Variants in APOB observed in about 807,000 individuals in gnomAD.
APOB encodes the protein apolipoprotein B.
Under a neutral mutation model 314.1 loss-of-function variants are expected in APOB, and 153 were observed. The observed-to-expected ratio is 0.49, with a 90% CI of 0.43 to 0.56. The LOEUF is 0.56. Ranked by LOEUF, APOB falls within the 20% of genes least tolerant of loss-of-function variation. The probability of loss-of-function intolerance (pLI) is 0.00; values close to 1 mark genes in which losing one functional copy is unlikely to be tolerated. For synonymous variants in APOB, 2,087 were observed against 2,036.4 expected (o/e 1.02, Z -0.67); for missense variants, 5,430 against 5,350.7 (o/e 1.01, Z -0.46).
In APOB at chr2:21,019,771, G is replaced by A; in HGVS notation, c.2951C>T (p.Ala984Val). The change falls in exon 19 of 29, where the codon GCC becomes GTC. Residue 984 changes from alanine to valine, a missense_variant. Ala to Val is a moderately conservative substitution (Grantham distance 64). Transcript: ENST00000233242. ...GTAGGAGGCGGAGTCTGTGGAGCTG[G>A]CGTTGGAGTAAGCGCCTGAGGTGCA... ...NYCTSGAYSN[A>V]SSTDSASYYP... The A allele has an allele frequency of 1.2e-6, 2 of 1,614,192 alleles. No homozygotes were observed. The highest frequency in any genetic ancestry group is 1.1e-5 in the South Asian group (1 of 91,078).
At chr2:21,043,445 A>G (rs1664181849) in intron 2 of APOB, 68 bp downstream of exon 2, 5 of 1,540,922 alleles carry the variant, frequency 3.2e-6, no homozygotes, top group Non-Finnish European at 3.5e-6. Flanking sequence ...GGAGGCCCTC[A>G]GGGACCCGGG....
Position 21,005,460 on chromosome 2 carries a change from G to T in APOB, c.11408C>A (p.Pro3803Gln). Residue 3803 changes from proline (P) to glutamine (Q), a missense_variant, in exon 26 of 29, where the codon CCA becomes CAA. By Grantham distance (76) the Pro-to-Gln change is moderately conservative (BLOSUM62 -1). Transcript: ENST00000233242. ...AAAAAAGGGAATCAAGGAGTCTTCT[G>T]GTTGAGAATATTTTGTTAACACATC... ...EVDVLTKYSQ[P>Q]EDSLIPFFEI... is the part of the protein sequence containing the mutation. 2 of 1,614,050 alleles carry T rather than the reference G, an allele frequency of 1.2e-6. No homozygotes were observed. Among genetic ancestry groups the T allele is most frequent in the Non-Finnish European group, 1.7e-6 (2 of 1,179,958 alleles).
In APOB at chr2:21,012,152, A is replaced by G. The variant is rs749485639; in HGVS notation, c.4716T>C (p.Ser1572=). The change falls in exon 26 of 29, where the codon TCT becomes TCC. Residue 1572 remains serine, a synonymous_variant. Transcript: ENST00000233242. ...KYENYELTLK[S]DTNGKYKNFA... is the part of the protein sequence containing the mutation. ...AGTTCTTATACTTCCCATTGGTGTCAGATTTTAAAGTCAGCTCGTAGTTCT... is the reference window on the plus strand; with the variant it reads ...AGTTCTTATACTTCCCATTGGTGTCGGATTTTAAAGTCAGCTCGTAGTTCT... The G allele has an allele frequency of 3.1e-6, 5 of 1,600,990 alleles. No individual in the cohort carries two copies. Among genetic ancestry groups the G allele is most frequent in the Non-Finnish European group, 4.3e-6 (5 of 1,172,948 alleles).
Position 21,005,924 on chromosome 2 carries a change from G to T in APOB, c.10944C>A (p.Val3648=), listed in dbSNP as rs370314131. Residue 3648 remains valine, a synonymous_variant, in exon 26 of 29, where the codon GTC becomes GTA. Coordinates refer to ENST00000233242, the MANE Select transcript of APOB (RefSeq NM_000384.3). ...CCTTTTCTTGGTCATTGGAAAGCTCGACCTGGCTCTGGAAAGACCCAGAAT... is the reference window on the plus strand; with the variant it reads ...CCTTTTCTTGGTCATTGGAAAGCTCTACCTGGCTCTGGAAAGACCCAGAAT... The part of the protein sequence containing the change: ...RIHSGSFQSQ[V]ELSNDQEKAH... The T allele has an allele frequency of 6.2e-7, 1 of 1,613,808 alleles. No homozygotes were observed. Among genetic ancestry groups the T allele is most frequent in the Non-Finnish European group, 8.5e-7 (1 of 1,179,922 alleles).
chr2:21,026,033 G>T (rs1663724165), intron 15 of APOB, among the ~76,000 whole-genome samples: 1 of 152,196 alleles, frequency 6.6e-6, no homozygotes, highest in African/African-American at 2.4e-5. Flanking sequence ...ACTCGTAATA[G>T]TGTCTGCTTA....
intron 12 of APOB, among the ~76,000 whole-genome samples, chr2:21,028,995 G>A (rs995248664): frequency 2.6e-5 from 4 of 152,192 alleles, no homozygotes; most frequent in Non-Finnish European, 5.9e-5. Flanking sequence ...AATTAAGCAT[G>A]TTTTTCCATG....
Position 21,022,894 on chromosome 2 carries a change from T to C in APOB, c.2753A>G (p.Lys918Arg). Reference protein sequence around the residue: ...ESGLEAHVALKAGKLKFIIPS... With the variant: ...ESGLEAHVALRAGKLKFIIPS... ...AATGATAAACTTCAGCTTCCCAGCT[T>C]TTAGGGCAACATGAGCCTCCAGACC... Residue 918 changes from lysine (K) to arginine (R), a missense_variant, in exon 18 of 29, where the codon AAA (lysine) becomes AGA (arginine). By Grantham distance (26) the Lys-to-Arg change is conservative (BLOSUM62 2). Around this residue, in one of 3 missense-constraint regions of APOB, gnomAD observed 2,085 missense variants for 2,079.7 expected, o/e 1.00. Coordinates refer to ENST00000233242, the MANE Select transcript of APOB (RefSeq NM_000384.3). 1 of 1,614,182 alleles carries C rather than the reference T, an allele frequency of 6.2e-7. No homozygotes were observed. Among genetic ancestry groups the C allele is most frequent in the East Asian group, 2.2e-5 (1 of 44,886 alleles).
chr2:21,010,765 T>C lies in APOB; in HGVS notation c.6103A>G (p.Asn2035Asp). Reference protein sequence around the residue: ...KVPLLLSEPINIIDALEMRDA... With the variant: ...KVPLLLSEPIDIIDALEMRDA... ...CTCATCTCTAAAGCATCAATGATAT[T>C]GATGGGCTCACTGAGTAAAAGTGGC... Residue 2035 changes from asparagine (N) to aspartate (D), a missense_variant, in exon 26 of 29, where the codon AAT becomes GAT. Asn to Asp is a conservative substitution (Grantham distance 23, BLOSUM62 1). Around this residue, in one of 3 missense-constraint regions of APOB, gnomAD observed 3,281 missense variants for 3,171.0 expected, o/e 1.03. Coordinates refer to ENST00000233242, the MANE Select transcript of APOB (RefSeq NM_000384.3). 6.2e-7 allele frequency: 1 copy of C among 1,614,176 alleles called. No individual in the cohort carries two copies. Among genetic ancestry groups the C allele is most frequent in the Non-Finnish European group, 8.5e-7 (1 of 1,180,010 alleles).
chr2:21,039,129 A>G (rs1470453016), intron 4 of APOB, among the ~76,000 whole-genome samples: 1 of 152,228 alleles, frequency 6.6e-6, no homozygotes, highest in Admixed American at 6.5e-5. Flanking sequence ...AAAGACTAAA[A>G]TATCTGTGTC....
chr2:21,021,717 C>T (rs1042050699), intron 18 of APOB, among the ~76,000 whole-genome samples: 27 of 152,200 alleles, frequency 1.8e-4, no homozygotes, highest in African/African-American at 6.5e-4. Flanking sequence ...CTAAATGACT[C>T]TGACACAGTC....
At position 21,005,905 on chromosome 2, in the gene APOB, C is replaced by G. The variant is rs1182593202; in HGVS notation, c.10963G>C (p.Glu3655Gln). The G allele has an allele frequency of 3.1e-6, 5 of 1,613,800 alleles. No homozygotes were observed. In the African/African-American group the frequency reaches 6.7e-5, roughly 22 times the overall value. ...QSQVELSNDQEKAHLDIAGSL... is the reference protein window; with the variant it reads ...QSQVELSNDQQKAHLDIAGSL... ...CCTGCAATGTCAAGGTGTGCCTTTT[C>G]TTGGTCATTGGAAAGCTCGACCTGG... The change falls in exon 26 of 29, where the codon GAA becomes CAA. Residue 3655 changes from glutamate to glutamine, a missense_variant. This residue lies in a region of APOB where 3,281 missense variants were observed against 3,171.0 expected (regional missense o/e 1.03). Coordinates refer to ENST00000233242, the MANE Select transcript of APOB (RefSeq NM_000384.3).
At chr2:21,040,833 C>G in intron 4 of APOB, 105 bp downstream of exon 4, 1 of 1,284,638 alleles carries the variant, frequency 7.8e-7, no homozygotes, top group Non-Finnish European at 1.1e-6. Flanking sequence ...ACGATGGATA[C>G]GGAATACAAA....
rs1269028695 is a variant in APOB at position 21,007,906 on chromosome 2, T to G, written c.8962A>C (p.Ile2988Leu). Reference sequence around the variant, plus strand: ...TGCTGGGAATCGACTTGTGATTGAATTTCAAGTTTAGAAAAGTTGAGGGAG... The same window carrying G: ...TGCTGGGAATCGACTTGTGATTGAAGTTCAAGTTTAGAAAAGTTGAGGGAG... ...SGSLNFSKLE[I>L]QSQVDSQHVG... Residue 2988 changes from isoleucine to leucine, a missense_variant, in exon 26 of 29, where the codon ATT becomes CTT. This residue lies in a region of APOB where 3,281 missense variants were observed against 3,171.0 expected (regional missense o/e 1.03). Transcript: ENST00000233242. 6.2e-7 allele frequency: 1 copy of G among 1,614,116 alleles called. No homozygotes were observed. Among genetic ancestry groups the G allele is most frequent in the Non-Finnish European group, 8.5e-7 (1 of 1,179,970 alleles).
rs200623857 is a variant in APOB, at chr2:21,011,939, C to A, written c.4929G>T (p.Ala1643=). ...TTCCATCTTGGCCAATCCTTAGTGT[C>A]GCCTTGTGAGCACCACTATTAATTT... ...TDKINSGAHK[A]TLRIGQDGIS... Residue 1643 remains alanine, a synonymous_variant, in exon 26 of 29, where the codon GCG becomes GCT. Coordinates refer to ENST00000233242, the MANE Select transcript of APOB (RefSeq NM_000384.3). 1 of 1,614,010 alleles carries A rather than the reference C, an allele frequency of 6.2e-7. No homozygotes were observed. Among genetic ancestry groups the A allele is most frequent in the Non-Finnish European group, 8.5e-7 (1 of 1,180,020 alleles).
intron 20 of APOB, among the ~76,000 whole-genome samples, chr2:21,017,159 A>T (rs11680233): frequency 6.6e-6 from 1 of 151,536 alleles, no homozygotes; most frequent in Non-Finnish European, 1.5e-5. Context: ...TCTCATTAAA[A>T]TTTTTTAATG....
Position 21,007,852 on chromosome 2 carries a change from C to A in APOB, c.9016G>T (p.Gly3006Cys), listed in dbSNP as rs1456410181. Residue 3006 changes from glycine (G) to cysteine (C), a missense_variant, in exon 26 of 29, where the codon GGC (glycine) becomes TGC (cysteine). Physicochemically the swap from Gly to Cys is radical, Grantham distance 159. Coordinates refer to ENST00000233242, the MANE Select transcript of APOB (RefSeq NM_000384.3). Reference protein sequence around the residue: ...HVGHSVLTAKGMALFGEGKAE... With the variant: ...HVGHSVLTAKCMALFGEGKAE... ...TTCCCTTCTCCAAACAGTGCCATGC[C>A]TTTAGCAGTTAGAACACTGTGGCCC... The A allele has an allele frequency of 6.2e-7, 1 of 1,614,072 alleles. No homozygotes were observed. Among genetic ancestry groups the A allele is most frequent in the Admixed American group, 1.7e-5 (1 of 60,008 alleles).
intron 18 of APOB, among the ~76,000 whole-genome samples, chr2:21,020,509 C>T (rs1217586192): frequency 6.6e-6 from 1 of 152,320 alleles, no homozygotes; most frequent in South Asian, 2.1e-4. Flanking sequence ...CTTGCTCCTA[C>T]ATCCAATGGG....
At chr2:21,017,008 A>T (rs989942897) in intron 20 of APOB, among the ~76,000 whole-genome samples, 1 of 138,412 alleles carries the variant, frequency 7.2e-6, no homozygotes, top group Non-Finnish European at 1.6e-5. Context: ...TAAATAAATA[A>T]ATAAATAAAC....
rs72653079 is a variant in APOB, at chr2:21,013,533, G to A, written c.3843C>T (p.Ser1281=). 4.4e-4 allele frequency: 712 copies of A among 1,614,046 alleles called. 6 individuals are homozygous for A. The African/African-American group carries it at 7.7e-3, about 18-fold the overall frequency. ...FHIPENLFLK[S]DGRVKYTLNK... ...TCAAGGTATATTTGACCCGGCCATCGCTGAAATGAACAACAAAGATAACAT... is the reference window on the plus strand; with the variant it reads ...TCAAGGTATATTTGACCCGGCCATCACTGAAATGAACAACAAAGATAACAT... Residue 1281 remains serine (S), a splice_region_variant and synonymous_variant, in exon 25 of 29, where the codon AGC becomes AGT. Coordinates refer to ENST00000233242, the MANE Select transcript of APOB (RefSeq NM_000384.3).
Sources: allele counts gnomAD v4.1 joint callset (sites outside exome capture counted in the v4.1 genomes callset), GRCh38; gene constraint gnomAD v4.1.1; regional missense constraint gnomAD v4.1.1; transcripts MANE v1.5; gene names NCBI Gene and HGNC (gene_info 2026-07-23, HGNC 2026-07-21).